The following GPHN variants were observed in gnomAD, a reference collection of about 807,000 sequenced individuals.
GPHN encodes gephyrin.
A neutral mutation model predicts 95.5 loss-of-function variants in GPHN; 17 were observed. The ratio of observed to expected loss-of-function variants is 0.18; its 90% CI spans 0.12 to 0.27. The LOEUF (loss-of-function observed/expected upper bound fraction) is 0.27, where lower values mean the gene tolerates loss of function less well. Ranked by LOEUF, GPHN falls within the 10% of genes least tolerant of loss-of-function variation. The pLI, the probability that GPHN is intolerant of heterozygous loss-of-function variation, is 1.00. For synonymous variants in GPHN, 320 were observed against 322.5 expected (o/e 0.99, Z 0.08); for missense variants, 660 against 978.1 (o/e 0.67, Z 4.34).
chr14:67,427,794 T>TG, the GPHN span, among the ~76,000 whole-genome samples: 1 of 152,138 alleles, frequency 6.6e-6, no homozygotes, highest in Non-Finnish European at 1.5e-5. Flanking sequence ...CCCCCTGCAC[T>TG]GGGGGTGATA....
At position 67,112,873 on chromosome 14, in the gene GPHN, C is replaced by T; in HGVS notation, c.1473-145C>T. ...TAAAAAAGCATAGGATTTTTAGAAT[C>T]CCTTCAATTCATTGTTTTCCTACTA... On this transcript the variant is annotated intron_variant, in intron 15 of 22. Coordinates refer to ENST00000478722, the MANE Select transcript of GPHN (RefSeq NM_020806.5). 4 of 689,114 alleles carry T rather than the reference C, an allele frequency of 5.8e-6. No individual in the cohort carries two copies. In the South Asian group the frequency reaches 6.7e-5, roughly 12 times the overall value. 42.7% of individuals were successfully genotyped at this position (689,114 alleles called of 1,614,324 possible). A position where few individuals can be genotyped will look rare whatever the true frequency, so the allele number is the denominator to read the frequency against.
intron 4 of GPHN, among the ~76,000 whole-genome samples, chr14:66,872,266 C>T (rs2063471982): frequency 6.6e-6 from 1 of 151,642 alleles, no homozygotes; most frequent in African/African-American, 2.4e-5. Context: ...AAATATAAAC[C>T]TTTCTCTCTA....
intron 5 of GPHN, among the ~76,000 whole-genome samples, chr14:66,881,837 A>C (rs760288973): frequency 4.6e-5 from 7 of 151,754 alleles, no homozygotes; most frequent in African/African-American, 7.2e-5. Flanking sequence ...CTTTATCCTG[A>C]AGGCTTTGAA....
intron 1 of GPHN, among the ~76,000 whole-genome samples, chr14:66,526,303 A>G (rs2058689366): frequency 6.6e-6 from 1 of 152,160 alleles, no homozygotes; most frequent in Admixed American, 6.5e-5. Context: ...GGTGTATAGG[A>G]ATGTTTGTGA....
rs146833199 is a variant in GPHN, at chr14:66,843,959, T to A, written c.294+19393T>A. Among the ~76,000 whole-genome samples the A allele has an allele frequency of 2.0e-5, 3 of 152,232 alleles. No individual in the cohort carries two copies. In the East Asian group the frequency reaches 5.8e-4, roughly 29 times the overall value. ...CTAAAATTATTTCTTAATTTATTAT[T>A]CCTAAATTTTCCAGGGTTTTATAAG... On this transcript the variant is annotated intron_variant, in intron 4 of 22. Coordinates refer to ENST00000478722, the MANE Select transcript of GPHN (RefSeq NM_020806.5).
At chr14:66,779,825 A>G (rs957885850) in intron 3 of GPHN, among the ~76,000 whole-genome samples, 1 of 152,106 alleles carries the variant, frequency 6.6e-6, no homozygotes, top group Non-Finnish European at 1.5e-5. Context: ...CCTTTATGTG[A>G]TTTTTAAGGA....
chr14:67,033,051 A>G (rs2074263315), intron 10 of GPHN, among the ~76,000 whole-genome samples: 1 of 152,228 alleles, frequency 6.6e-6, no homozygotes, highest in Non-Finnish European at 1.5e-5. Flanking sequence ...TGAATGGACA[A>G]AATGAAGATT....
At chr14:66,871,915 A>G (rs1230909339) in intron 4 of GPHN, among the ~76,000 whole-genome samples, 1 of 152,210 alleles carries the variant, frequency 6.6e-6, no homozygotes, top group African/African-American at 2.4e-5. Flanking sequence ...CATTCTGCAC[A>G]TGTATACCGG....
chr14:66,607,736 G>GT (rs1252950718), intron 1 of GPHN, among the ~76,000 whole-genome samples: 1 of 151,810 alleles, frequency 6.6e-6, no homozygotes, highest in African/African-American at 2.4e-5. Flanking sequence ...TTTGGAGGTT[G>GT]TGTGTTCCCA....
At chr14:66,624,146 G>T (rs2063426634) in intron 1 of GPHN, among the ~76,000 whole-genome samples, 1 of 152,302 alleles carries the variant, frequency 6.6e-6, no homozygotes, top group Non-Finnish European at 1.5e-5. Flanking sequence ...CCAACACTCT[G>T]TAGATTGTCA....
intron 1 of GPHN, among the ~76,000 whole-genome samples, chr14:66,630,629 A>C (rs11158640): frequency 1.6e-4 from 25 of 151,710 alleles, no homozygotes; most frequent in African/African-American, 5.3e-4. Flanking sequence ...CCATCACCAC[A>C]CCTGGCTAAT....
chr14:67,725,180 C>T, the GPHN span: 2 of 1,614,040 alleles, frequency 1.2e-6, no homozygotes, highest in Admixed American at 3.3e-5. Context: ...ACAAAGAACT[C>T]CCAGGTGCTG....
chr14:67,733,150 A>T, the GPHN span, among the ~76,000 whole-genome samples: 1 of 152,078 alleles, frequency 6.6e-6, no homozygotes, highest in African/African-American at 2.4e-5. Context: ...AACAAAAAAA[A>T]ACATGATGAG....
chr14:66,890,425 A>C (rs982349216), intron 5 of GPHN, among the ~76,000 whole-genome samples: 33 of 152,030 alleles, frequency 2.2e-4, no homozygotes, highest in Admixed American at 2.6e-4. Flanking sequence ...AAAAAAAAAA[A>C]AAAAAACCTT....
At chr14:67,729,247 C>T in the GPHN span, 14 of 1,609,924 alleles carry the variant, frequency 8.7e-6, no homozygotes, top group Non-Finnish European at 1.1e-5. Context: ...TGAGCTGGTC[C>T]GGCACTCCTC....
intron 4 of GPHN, among the ~76,000 whole-genome samples, chr14:66,836,342 A>T (rs2061809504): frequency 7.0e-6 from 1 of 142,146 alleles, no homozygotes; most frequent in Non-Finnish European, 1.5e-5. Context: ...AGCAATGGGG[A>T]AAGGATTCCC....
the GPHN span, among the ~76,000 whole-genome samples, chr14:67,223,450 C>T: frequency 1.3e-5 from 2 of 152,194 alleles, no homozygotes; most frequent in Non-Finnish European, 2.9e-5. Context: ...TTCGCTGTCT[C>T]AAAACCCTTT....
chr14:67,470,996 G>A, the GPHN span: 2 of 152,188 alleles, frequency 1.3e-5, 1 homozygote, highest in South Asian at 4.1e-4. Context: ...GGCTATCCCT[G>A]GTGAGATCTG....
At chr14:66,874,190 A>G (rs1056607271) in intron 4 of GPHN, among the ~76,000 whole-genome samples, 1 of 152,196 alleles carries the variant, frequency 6.6e-6, no homozygotes, top group African/African-American at 2.4e-5. Context: ...AAACTAATGA[A>G]CAGAGAGGAA....
Sources: gnomAD v4.1 joint callset for allele counts (sites outside exome capture counted in the v4.1 genomes callset) on GRCh38, gnomAD v4.1.1 for gene constraint, MANE v1.5 for transcripts, NCBI Gene and HGNC (gene_info 2026-07-23, HGNC 2026-07-21) for gene names.